Variants in PCDHGA8 observed in about 807,000 individuals in gnomAD.
PCDHGA8 encodes the protein protocadherin gamma-A8.
Under a neutral mutation model 59.2 loss-of-function variants are expected in PCDHGA8, and 45 were observed. That is an observed-to-expected ratio of 0.76 (90% CI 0.60 to 0.98). The LOEUF (loss-of-function observed/expected upper bound fraction) is 0.98. Ranked by LOEUF, PCDHGA8 falls within the 50% of genes least tolerant of loss-of-function variation. The pLI is 0.00. For missense variants in PCDHGA8, 1,257 were observed against 1,196.2 expected (o/e 1.05, Z -0.75); for synonymous variants, 531 against 519.0 (o/e 1.02, Z -0.32).
At chr5:141,474,965 A>T (rs1268347441) in intron 1 of PCDHGA8, among the ~76,000 whole-genome samples, 1 of 152,236 alleles carries the variant, frequency 6.6e-6, no homozygotes, top group Non-Finnish European at 1.5e-5. Context: ...TATCCTAATC[A>T]TTATAATTTT....
Position 141,493,701 on chromosome 5 carries a change from C to G in PCDHGA8, c.2425-1106C>G, listed in dbSNP as rs2099749680. 6.6e-6 allele frequency among the ~76,000 whole-genome samples: 1 copy of G among 152,172 alleles called. No homozygotes were observed. Among genetic ancestry groups the G allele is most frequent in the Admixed American group, 6.5e-5 (1 of 15,286 alleles). On this transcript the variant is annotated intron_variant, in intron 1 of 3. Coordinates refer to ENST00000398604, the MANE Select transcript of PCDHGA8 (RefSeq NM_032088.2). This position sits in a 1 kb window ranked among gnomAD's most constrained non-coding sequence, Gnocchi z 4.3. Reference sequence around the variant, plus strand: ...ATGGTGCTGGTGACTCCCGATACACCTGGAATGCTAGGTTTCTGGGTTCTG... The same window carrying G: ...ATGGTGCTGGTGACTCCCGATACACGTGGAATGCTAGGTTTCTGGGTTCTG...
chr5:141,420,044 T>C lies in PCDHGA8; in HGVS notation c.2424+24807T>C, dbSNP rs769790599. 1.7e-5 allele frequency: 27 copies of C among 1,613,934 alleles called. No individual in the cohort carries two copies. In the East Asian group the frequency reaches 6.0e-4, roughly 36 times the overall value. On this transcript the variant is annotated intron_variant, in intron 1 of 3. Coordinates refer to ENST00000398604, the MANE Select transcript of PCDHGA8 (RefSeq NM_032088.2). ...CCCTACTGCAGGAGACTGCTTTGAG[T>C]CAGTTCTCTGCTCCAAGTCCGGACC...
intron 1 of PCDHGA8, chr5:141,418,251 C>G: frequency 6.2e-7 from 1 of 1,614,058 alleles, no homozygotes; most frequent in Non-Finnish European, 8.5e-7. Context: ...GACCACGCCC[C>G]TCAATTCCGG....
chr5:141,427,840 A>G (rs779622800), intron 1 of PCDHGA8: 1 of 1,548,180 alleles, frequency 6.5e-7, no homozygotes, highest in Non-Finnish European at 8.8e-7. Flanking sequence ...CGTGCCTTCG[A>G]CCACGAGCAG....
chr5:141,419,671 G>T (rs532058652), intron 1 of PCDHGA8: 1 of 1,612,894 alleles, frequency 6.2e-7, no homozygotes, highest in East Asian at 2.2e-5. Context: ...ATGCCTGGCT[G>T]TCCTACCACG....
intron 1 of PCDHGA8, chr5:141,419,553 C>T (rs2096398346): frequency 1.2e-5 from 20 of 1,611,902 alleles, no homozygotes; most frequent in Non-Finnish European, 1.4e-5. Flanking sequence ...GTGCTGTACC[C>T]TGCGCTGGGT....
At chr5:141,422,141 G>A (rs1441509284) in intron 1 of PCDHGA8, 9 of 1,583,068 alleles carry the variant, frequency 5.7e-6, no homozygotes, top group Middle Eastern at 1.7e-4. Context: ...GTTCAAGTAC[G>A]GGGGTCTCTG....
chr5:141,421,837 G>A, intron 1 of PCDHGA8: 1 of 1,613,782 alleles, frequency 6.2e-7, no homozygotes. Flanking sequence ...CCTGGACCGA[G>A]AGAAAGAGGC....
chr5:141,447,864 T>A (rs2098553913), intron 1 of PCDHGA8, among the ~76,000 whole-genome samples: 1 of 152,098 alleles, frequency 6.6e-6, no homozygotes, highest in Non-Finnish European at 1.5e-5. Context: ...GGTGGGTGAA[T>A]CATCTGAGGT....
intron 1 of PCDHGA8, chr5:141,423,398 G>C (rs767594062): frequency 6.8e-6 from 11 of 1,614,172 alleles, no homozygotes; most frequent in Non-Finnish European, 9.3e-6. Context: ...CATAAGTCAC[G>C]CCTGCTGCAG....
intron 1 of PCDHGA8, chr5:141,409,530 C>G: frequency 6.2e-7 from 1 of 1,613,994 alleles, no homozygotes. Flanking sequence ...TTGTATGTCG[C>G]TGACATCAAC....
At chr5:141,505,081 G>A (rs2099843521) in intron 2 of PCDHGA8, among the ~76,000 whole-genome samples, 3 of 152,146 alleles carry the variant, frequency 2.0e-5, no homozygotes, top group Admixed American at 2.0e-4. Flanking sequence ...AGAATCGCTT[G>A]AACCCAGGAG....
intron 1 of PCDHGA8, among the ~76,000 whole-genome samples, chr5:141,443,070 T>C (rs983773796): frequency 6.6e-6 from 1 of 152,244 alleles, no homozygotes; most frequent in African/African-American, 2.4e-5. Flanking sequence ...GAGCGTCTTA[T>C]GACTGAGTGT....
At chr5:141,452,161 A>G (rs559274240) in intron 1 of PCDHGA8, among the ~76,000 whole-genome samples, 1 of 152,204 alleles carries the variant, frequency 6.6e-6, no homozygotes, top group South Asian at 2.1e-4. Context: ...GTTATATTCT[A>G]TTACTAACAT....
At chr5:141,433,129 C>T in intron 1 of PCDHGA8, 1 of 1,614,130 alleles carries the variant, frequency 6.2e-7, no homozygotes, top group Non-Finnish European at 8.5e-7. Context: ...AAAGCGAGCC[C>T]CTTTTGCTGT....
chr5:141,486,671 C>T lies in PCDHGA8; in HGVS notation c.2425-8136C>T, dbSNP rs1307620045. The T allele has an allele frequency of 1.9e-6, 3 of 1,613,926 alleles. No homozygotes were observed. Among genetic ancestry groups the T allele is most frequent in the South Asian group, 1.1e-5 (1 of 91,078 alleles). On this transcript the variant is annotated intron_variant, in intron 1 of 3. Coordinates refer to ENST00000398604, the MANE Select transcript of PCDHGA8 (RefSeq NM_032088.2). This position sits in a 1 kb window ranked among gnomAD's most constrained non-coding sequence, Gnocchi z 5.0. Reference sequence around the variant, plus strand: ...CTACTCACTCCTGGAGCCCAGGAATCGAGATGTATCAGCTTCCTCTTTCAT... The same window carrying T: ...CTACTCACTCCTGGAGCCCAGGAATTGAGATGTATCAGCTTCCTCTTTCAT...
intron 1 of PCDHGA8, chr5:141,422,941 G>C (rs777535652): frequency 1.2e-6 from 2 of 1,614,218 alleles, no homozygotes; most frequent in Non-Finnish European, 1.7e-6. Context: ...CCCCACAGAC[G>C]GCTCCACTGG....
intron 1 of PCDHGA8, among the ~76,000 whole-genome samples, chr5:141,448,660 G>T (rs2098599264): frequency 6.6e-6 from 1 of 151,712 alleles, no homozygotes; most frequent in African/African-American, 2.4e-5. Context: ...TTCCATATTG[G>T]CCGGGCGCGG....
intron 1 of PCDHGA8, chr5:141,398,897 C>T (rs761364649): frequency 1.2e-6 from 2 of 1,613,932 alleles, no homozygotes; most frequent in Non-Finnish European, 1.7e-6. Context: ...AACGTGCCAC[C>T]AGGCACCACT....
Sources: gnomAD v4.1 joint callset for allele counts (sites outside exome capture counted in the v4.1 genomes callset) on GRCh38, gnomAD v4.1.1 for gene constraint, Gnocchi (gnomAD v3.1) non-coding constraint, MANE v1.5 for transcripts, NCBI Gene and HGNC (gene_info 2026-07-23, HGNC 2026-07-21) for gene names.